The following PCLO variants were observed in gnomAD, a reference collection of about 807,000 sequenced individuals.
PCLO encodes protein piccolo.
A neutral mutation model predicts 427.5 loss-of-function variants in PCLO; 82 were observed. The ratio of observed to expected loss-of-function variants is 0.19; its 90% confidence interval spans 0.16 to 0.23. The LOEUF is 0.23. Among genes scored for constraint, PCLO ranks in the 10% least tolerant of loss-of-function variants. PCLO has a pLI of 1.00. For synonymous variants in PCLO, 2,357 were observed against 2,155.4 expected, an observed-to-expected ratio of 1.09 and a Z score of -2.59; for missense variants, 6,239 against 6,115.9, an observed-to-expected ratio of 1.02 and a Z score of -0.67.
At chr7:82,997,451 TTA>T (rs1446834333) in intron 3 of PCLO, among the ~76,000 whole-genome samples, 11 of 152,152 alleles carry the variant, frequency 7.2e-5, no homozygotes, top group Non-Finnish European at 1.2e-4. Flanking sequence ...GTCTTTCTTG[TTA>T]TGTTTGCCAT....
At chr7:83,106,244 G>C (rs1051638905) in intron 3 of PCLO, among the ~76,000 whole-genome samples, 4 of 152,324 alleles carry the variant, frequency 2.6e-5, no homozygotes, top group African/African-American at 9.6e-5. Flanking sequence ...CTTGAATGGA[G>C]TGAGGAGAAG....
At chr7:83,004,987 C>T (rs929006697) in intron 3 of PCLO, among the ~76,000 whole-genome samples, 2 of 151,414 alleles carry the variant, frequency 1.3e-5, no homozygotes, top group Admixed American at 1.3e-4. Flanking sequence ...CACCTTACAC[C>T]TGTTAAGAGT....
intron 3 of PCLO, among the ~76,000 whole-genome samples, chr7:83,108,472 C>T (rs1790923497): frequency 6.6e-6 from 1 of 152,046 alleles, no homozygotes; most frequent in African/African-American, 2.4e-5. Context: ...CAATTTCCCA[C>T]TGTATGTGCT....
At position 83,089,137 on chromosome 7, in the gene PCLO, T is replaced by TTACA. The variant is rs61259933; in HGVS notation, c.3300+45109_3300+45112dup. 3.7e-3 allele frequency among the ~76,000 whole-genome samples: 564 copies of TTACA among 151,780 alleles called. 4 individuals carry two copies. The highest frequency in any genetic ancestry group is 0.012 in the African/African-American group (509 of 41,284). Reference sequence around the variant, plus strand: ...ATTCTCATTTAGTGTGTATGTATGTTTACATACATACATACATACATACAC... The same window carrying TTACA: ...ATTCTCATTTAGTGTGTATGTATGTTTACATACATACATACATACATACATACAC... On this transcript the variant is annotated intron_variant, in intron 3 of 24. Coordinates refer to ENST00000333891, the MANE Select transcript of PCLO (RefSeq NM_033026.6).
chr7:83,111,462 G>A (rs1017275835), intron 3 of PCLO, among the ~76,000 whole-genome samples: 1 of 152,216 alleles, frequency 6.6e-6, no homozygotes, highest in African/African-American at 2.4e-5. Flanking sequence ...TCCAGTGAGG[G>A]TTTTAGTGTG....
At chr7:82,960,772 G>A (rs942239244) in intron 4 of PCLO, among the ~76,000 whole-genome samples, 3 of 151,970 alleles carry the variant, frequency 2.0e-5, no homozygotes, top group Non-Finnish European at 2.9e-5. Context: ...TAATATGAAC[G>A]ACACAAATGA....
intron 22 of PCLO, among the ~76,000 whole-genome samples, chr7:82,794,621 C>T (rs565059340): frequency 1.3e-5 from 2 of 151,084 alleles, no homozygotes; most frequent in African/African-American, 2.4e-5. Context: ...CACAGGCATG[C>T]GCTACCATGC....
chr7:83,098,524 G>A (rs1387216157), intron 3 of PCLO, among the ~76,000 whole-genome samples: 1 of 152,032 alleles, frequency 6.6e-6, no homozygotes, highest in Non-Finnish European at 1.5e-5. Flanking sequence ...TATATCTGTG[G>A]AACACTTCTG....
chr7:83,108,927 G>A (rs1790934267), intron 3 of PCLO, among the ~76,000 whole-genome samples: 1 of 152,026 alleles, frequency 6.6e-6, no homozygotes, highest in African/African-American at 2.4e-5. Context: ...ACTACAGGCT[G>A]GTGCAAAAGT....
intron 21 of PCLO, among the ~76,000 whole-genome samples, chr7:82,801,978 G>T (rs1006563988): frequency 4.0e-5 from 6 of 151,816 alleles, no homozygotes; most frequent in Non-Finnish European, 7.4e-5. Context: ...ATGTTGTACT[G>T]ATGAGTTATT....
rs550775601 is a variant in PCLO at position 83,097,932 on chromosome 7, T to G, written c.3300+36318A>C. On this transcript the variant is annotated intron_variant, in intron 3 of 24. Transcript: ENST00000333891. ...AATTAATTTCCAAAGTGTTTTATGA[T>G]TATATTTTTCATTAATATCTGCATT... Among the ~76,000 whole-genome samples, 60 of 152,262 alleles carry G rather than the reference T, an allele frequency of 3.9e-4. 1 individual carries two copies. Among genetic ancestry groups the G allele is most frequent in the African/African-American group, 1.4e-3 (59 of 41,564 alleles).
At chr7:83,143,089 C>G (rs1791904223) in intron 2 of PCLO, among the ~76,000 whole-genome samples, 3 of 152,130 alleles carry the variant, frequency 2.0e-5, no homozygotes, top group Admixed American at 2.0e-4. Flanking sequence ...TTTTAAAATA[C>G]TTATTGAAGA....
At chr7:83,124,662 G>C (rs550002728) in intron 3 of PCLO, among the ~76,000 whole-genome samples, 1 of 152,128 alleles carries the variant, frequency 6.6e-6, no homozygotes, top group Non-Finnish European at 1.5e-5. Context: ...CCACTGCTAC[G>C]TATACATCCA....
intron 22 of PCLO, among the ~76,000 whole-genome samples, chr7:82,780,794 A>C (rs912985954): frequency 6.6e-6 from 1 of 152,254 alleles, no homozygotes; most frequent in African/African-American, 2.4e-5. Context: ...TGGTAAAGAC[A>C]GTATCTGTTA....
At chr7:83,145,844 C>T (rs905992683) in intron 2 of PCLO, among the ~76,000 whole-genome samples, 1 of 152,136 alleles carries the variant, frequency 6.6e-6, no homozygotes, top group African/African-American at 2.4e-5. Context: ...CCAAATCACA[C>T]AACAAATAAG....
At chr7:82,949,087 G>A (rs539214373) in intron 6 of PCLO, among the ~76,000 whole-genome samples, 1 of 152,266 alleles carries the variant, frequency 6.6e-6, no homozygotes, top group African/African-American at 2.4e-5. Context: ...TATCATGCCT[G>A]AAAATGAATA....
intron 3 of PCLO, among the ~76,000 whole-genome samples, chr7:83,050,124 G>A (rs1347496325): frequency 2.2e-5 from 3 of 133,542 alleles, no homozygotes; most frequent in African/African-American, 8.5e-5. Context: ...GAGTCTTTAG[G>A]TGAGGCAATC....
Position 82,949,775 on chromosome 7 carries a change from G to C in PCLO, c.10813C>G (p.Arg3605Gly), listed in dbSNP as rs766614715. 4 of 1,613,656 alleles carry C rather than the reference G, an allele frequency of 2.5e-6. No individual in the cohort carries two copies. In the South Asian group the frequency reaches 4.4e-5, roughly 18 times the overall value. Residue 3605 changes from arginine to glycine, a missense_variant, in exon 6 of 25, where the codon CGG (arginine) becomes GGG (glycine). Around this residue, in one of 5 missense-constraint regions of PCLO, gnomAD observed 4,677 missense variants for 4,468.4 expected, o/e 1.05. Transcript: ENST00000333891. ...GCCAGCTGTACTGTGGAATCTGCCCGGAGGTGAGATGAATAACCAATCTCT... is the reference window on the plus strand; with the variant it reads ...GCCAGCTGTACTGTGGAATCTGCCCCGAGGTGAGATGAATAACCAATCTCT... The part of the protein sequence containing the change: ...PLEIGYSSHL[R>G]ADSTVQLAPS...
chr7:83,018,036 G>A (rs1788251888), intron 3 of PCLO: 1 of 151,764 alleles, frequency 6.6e-6, no homozygotes, highest in African/African-American at 2.4e-5. Context: ...AAAAAAGAAT[G>A]GGAAGTTGTA....
Sources: gnomAD v4.1 joint callset for allele counts (sites outside exome capture counted in the v4.1 genomes callset) on GRCh38, gnomAD v4.1.1 for gene constraint, gnomAD v4.1.1 regional missense constraint, MANE v1.5 for transcripts, NCBI Gene and HGNC (gene_info 2026-07-23, HGNC 2026-07-21) for gene names.